FAM91A1: variants seen among roughly 807,000 people sequenced by gnomAD.
FAM91A1 encodes family with sequence similarity 91 member A1, also known as protein FAM91A1.
In FAM91A1, 41 loss-of-function variants were observed where a neutral mutation model predicts 113.5. That is an observed-to-expected ratio of 0.36 (90% CI 0.28 to 0.47). The LOEUF (loss-of-function observed/expected upper bound fraction) is 0.47, where lower values mean the gene tolerates loss of function less well. Ranked by LOEUF, FAM91A1 falls within the 20% of genes least tolerant of loss-of-function variation. The probability of loss-of-function intolerance (pLI) is 1.00; values close to 1 mark genes in which losing one functional copy is unlikely to be tolerated. For synonymous variants in FAM91A1, 307 were observed against 347.9 expected, an observed-to-expected ratio of 0.88 and a Z score of 1.31; for missense variants, 696 against 1,001.2, an observed-to-expected ratio of 0.70 and a Z score of 4.11.
chr8:123,782,740 AATAGC>A (rs1306794745), intron 8 of FAM91A1, among the ~76,000 whole-genome samples: 4 of 152,334 alleles, frequency 2.6e-5, no homozygotes, highest in African/African-American at 9.6e-5. Context: ...TTGGATAACC[AATAGC>A]ATTTGGACAA....
chr8:123,780,230 T>G, intron 7 of FAM91A1, 155 bp downstream of exon 7: 1 of 764,310 alleles, frequency 1.3e-6, no homozygotes, highest in Non-Finnish European at 2.0e-6. Context: ...TGTTTTCCAG[T>G]GTGGCTATAA....
At position 123,768,710 on chromosome 8, in the gene FAM91A1, T is replaced by G; in HGVS notation, c.8T>G (p.Ile3Arg). ...GGCCCTGGCCGCGGCATCATGAACA[T>G]AGACGTGGAGTTCCACATCCGGCAC... MN[I>R]DVEFHIRHNY... Residue 3 changes from isoleucine to arginine, a missense_variant, in exon 1 of 24, where the codon ATA (isoleucine) becomes AGA (arginine). Transcript: ENST00000334705. 6.2e-7 allele frequency: 1 copy of G among 1,606,624 alleles called. No homozygotes were observed. Among genetic ancestry groups the G allele is most frequent in the Non-Finnish European group, 8.5e-7 (1 of 1,176,768 alleles).
chr8:123,780,005 A>G lies in FAM91A1; in HGVS notation c.570A>G (p.Lys190=). The change falls in exon 7 of 24, where the codon AAA becomes AAG. Residue 190 remains lysine, a synonymous_variant. Coordinates refer to ENST00000334705, the MANE Select transcript of FAM91A1 (RefSeq NM_144963.4). ...DDIKICTLPE[K]CAVDKIIDSG... is the part of the protein sequence containing the mutation. ...CTTAGATATGCACTTTGCCTGAGAA[A>G]TGCGCTGTTGATAAGATCATCGATT... The G allele has an allele frequency of 2.5e-6, 4 of 1,613,474 alleles. No homozygotes were observed. The highest frequency in any genetic ancestry group is 3.3e-4 in the Middle Eastern group (2 of 6,054).
intron 3 of FAM91A1, 75 bp downstream of exon 3, chr8:123,775,373 C>T (rs914244188): frequency 9.2e-6 from 14 of 1,523,540 alleles, no homozygotes; most frequent in Non-Finnish European, 1.3e-5. Context: ...AGATGTTCAC[C>T]AGCTCTTCAG....
rs752747302 is a variant in FAM91A1 at position 123,810,359 on chromosome 8, A to G, written c.2331+8A>G. 1 of 1,613,570 alleles carries G rather than the reference A, an allele frequency of 6.2e-7. No individual in the cohort carries two copies. Among genetic ancestry groups the G allele is most frequent in the Non-Finnish European group, 8.5e-7 (1 of 1,179,656 alleles). On this transcript the variant is annotated splice_region_variant and intron_variant, in intron 23 of 23. Coordinates refer to ENST00000334705, the MANE Select transcript of FAM91A1 (RefSeq NM_144963.4). ...TTTGTTCACTCATTCCAGGTAACAA[A>G]AACCAAAAAGTCCAAATGGTACTTG...
In FAM91A1 at chr8:123,780,551, G is replaced by C. The variant is rs745504877; in HGVS notation, c.703+9G>C. The C allele has an allele frequency of 1.2e-6, 2 of 1,606,656 alleles. No individual in the cohort carries two copies. The highest frequency in any genetic ancestry group is 1.7e-6 in the Non-Finnish European group (2 of 1,176,486). On this transcript the variant is annotated intron_variant, in intron 8 of 23. Transcript: ENST00000334705. ...TGACAGTTGTATAGCAGGTAAGTCC[G>C]TGCTAACATTTTTCACTGTTTTTTG... is the stretch of plus-strand genomic sequence containing the variant.
chr8:123,778,553 A>G (rs965750929), intron 5 of FAM91A1, 106 bp from the exon 6 acceptor site: 13 of 711,782 alleles, frequency 1.8e-5, no homozygotes, highest in Non-Finnish European at 2.9e-5. Flanking sequence ...GAAGATTTTA[A>G]GAAGATATTT....
chr8:123,798,169 T>C lies in FAM91A1; in HGVS notation c.1491T>C (p.Asn497=), dbSNP rs1002596964. ...CTTGCAGCAGAGTTCTAAACAAAAA[T>C]TACACGCTGCTTGTTTCCATGGCTC... ...PATCSRVLNK[N]YTLLVSMAPL... Residue 497 remains asparagine, a synonymous_variant, in exon 16 of 24, where the codon AAT becomes AAC. Transcript: ENST00000334705. The C allele has an allele frequency of 1.2e-6, 2 of 1,613,962 alleles. No homozygotes were observed. The highest frequency in any genetic ancestry group is 2.2e-5 in the East Asian group (1 of 44,876).
Position 123,772,807 on chromosome 8 carries a change from G to A in FAM91A1, c.73-1273G>A, listed in dbSNP as rs558670656. Among the ~76,000 whole-genome samples, 5 of 152,224 alleles carry A rather than the reference G, an allele frequency of 3.3e-5. No homozygotes were observed. The South Asian group carries it at 6.2e-4, about 19-fold the overall frequency. On this transcript the variant is annotated intron_variant, in intron 1 of 23. Coordinates refer to ENST00000334705, the MANE Select transcript of FAM91A1 (RefSeq NM_144963.4). Reference sequence around the variant, plus strand: ...AACACAGTTGATGAACACATATTTTGTATGTTATATATATTGTTAATATAT... The same window carrying A: ...AACACAGTTGATGAACACATATTTTATATGTTATATATATTGTTAATATAT...
chr8:123,784,799 C>T, intron 9 of FAM91A1: 1 of 424,116 alleles, frequency 2.4e-6, no homozygotes, highest in Non-Finnish European at 4.1e-6. Context: ...ACTTTTTGTA[C>T]TAAAGTATTG....
intron 2 of FAM91A1, 52 bp downstream of exon 2, chr8:123,774,216 A>T (rs1029065987): frequency 7.3e-7 from 1 of 1,365,868 alleles, no homozygotes; most frequent in Non-Finnish European, 1.0e-6. Context: ...ACTCTTTCAC[A>T]TTCGTAAATC....
In FAM91A1 at chr8:123,812,532, T is replaced by G. The variant is rs774884356; in HGVS notation, c.2345T>G (p.Ile782Arg). Residue 782 changes from isoleucine (I) to arginine (R), a missense_variant, in exon 24 of 24, where the codon ATA (isoleucine) becomes AGA (arginine). Transcript: ENST00000334705. Reference sequence around the variant, plus strand: ...TTGATCTTTTAGGAAGGTGCTTCAATATTGGATATTCACACAGAGCCCAGT... The same window carrying G: ...TTGATCTTTTAGGAAGGTGCTTCAAGATTGGATATTCACACAGAGCCCAGT... ...FVHSFQEGAS[I>R]LDIHTEPSFS... 5 of 1,585,752 alleles carry G rather than the reference T, an allele frequency of 3.2e-6. No individual in the cohort carries two copies. In the South Asian group the frequency reaches 5.9e-5, roughly 19 times the overall value.
At position 123,810,193 on chromosome 8, in the gene FAM91A1, A is replaced by G. The variant is rs1586398697; in HGVS notation, c.2262-89A>G. ...GTGATTGGCCAGGATATATAGATGC[A>G]TTTAAATTGCTAAAATTAAACTCTT... On this transcript the variant is annotated intron_variant, in intron 22 of 23. Transcript: ENST00000334705. 1.0e-5 allele frequency: 13 copies of G among 1,291,320 alleles called. No individual in the cohort carries two copies. In the East Asian group the frequency reaches 2.8e-4, roughly 28 times the overall value. The allele number at this position is 1,291,320 out of a possible 1,614,324, so 80.0% of individuals were successfully genotyped here. A position where few individuals can be genotyped will look rare whatever the true frequency, so the allele number is the denominator to read the frequency against.
At chr8:123,791,578 T>C (rs1815386773) in intron 15 of FAM91A1, among the ~76,000 whole-genome samples, 1 of 152,308 alleles carries the variant, frequency 6.6e-6, no homozygotes, top group Non-Finnish European at 1.5e-5. Flanking sequence ...TCTCCAAAGT[T>C]AAATTTGATG....
intron 18 of FAM91A1, among the ~76,000 whole-genome samples, chr8:123,804,435 G>A (rs1034011978): frequency 2.2e-5 from 3 of 133,484 alleles, no homozygotes; most frequent in African/African-American, 8.2e-5. Context: ...AGATTGCAGT[G>A]AGCCAAAATT....
At chr8:123,769,394 A>T (rs1156511410) in intron 1 of FAM91A1, among the ~76,000 whole-genome samples, 2 of 152,130 alleles carry the variant, frequency 1.3e-5, no homozygotes, top group Non-Finnish European at 2.9e-5. Flanking sequence ...ACATGTTTGG[A>T]GTTGAAGTTT....
At chr8:123,776,883 A>G (rs532966836) in intron 3 of FAM91A1, among the ~76,000 whole-genome samples, 8 of 152,212 alleles carry the variant, frequency 5.3e-5, no homozygotes, top group Non-Finnish European at 1.0e-4. Context: ...GTGCATGTTG[A>G]TGGAGCTGTG....
chr8:123,773,757 A>G (rs1359586648), intron 1 of FAM91A1, among the ~76,000 whole-genome samples: 1 of 152,192 alleles, frequency 6.6e-6, no homozygotes, highest in Non-Finnish European at 1.5e-5. Context: ...CAGGAAGGAA[A>G]TCTTTATAAG....
rs1354258999 is a variant in FAM91A1 at position 123,775,705 on chromosome 8, G to A, written c.309+407G>A. On this transcript the variant is annotated intron_variant, in intron 3 of 23. Coordinates refer to ENST00000334705, the MANE Select transcript of FAM91A1 (RefSeq NM_144963.4). ...ATTTAGGCTGGGAGCAGTGGTTCAC[G>A]CCTGTAATCCCAGCACTTTGGGAGG... Among the ~76,000 whole-genome samples the A allele has an allele frequency of 3.3e-5, 5 of 152,270 alleles. No individual in the cohort carries two copies. In the East Asian group the frequency reaches 7.7e-4, roughly 24 times the overall value.
Sources: gnomAD v4.1 joint callset for allele counts (sites outside exome capture counted in the v4.1 genomes callset) on GRCh38, gnomAD v4.1.1 for gene constraint, MANE v1.5 for transcripts, NCBI Gene and HGNC (gene_info 2026-07-23, HGNC 2026-07-21) for gene names.